The following DYNLT5 variants were observed in gnomAD, a reference collection of about 807,000 sequenced individuals.
DYNLT5 encodes dynein light chain Tctex-type 5.
A neutral mutation model predicts 19.3 loss-of-function variants in DYNLT5; 25 were observed. The observed-to-expected ratio is 1.30, with a 90% CI of 0.95 to 1.81. The LOEUF is 1.81. DYNLT5 is among the 40% of genes most tolerant of loss of function. The probability of loss-of-function intolerance (pLI) is 0.00; values close to 1 mark genes in which losing one functional copy is unlikely to be tolerated. For missense variants in DYNLT5, 232 were observed against 217.9 expected (o/e 1.06, Z -0.41); for synonymous variants, 82 against 68.9 (o/e 1.19, Z -0.94).
chr1:66,755,260 G>T (rs1022974902), intron 2 of DYNLT5, among the ~76,000 whole-genome samples: 1 of 151,854 alleles, frequency 6.6e-6, no homozygotes, highest in Non-Finnish European at 1.5e-5. Context: ...CTAATTATTG[G>T]ACACTTTAAG....
intron 2 of DYNLT5, among the ~76,000 whole-genome samples, chr1:66,755,403 T>C (rs2094634423): frequency 6.6e-6 from 1 of 152,170 alleles, no homozygotes; most frequent in South Asian, 2.1e-4. Context: ...CTCCTAAAGA[T>C]ATACATCAAT....
At chr1:66,760,083 T>C (rs561796654) in intron 2 of DYNLT5, among the ~76,000 whole-genome samples, 36 of 152,300 alleles carry the variant, frequency 2.4e-4, no homozygotes, top group African/African-American at 8.4e-4. Context: ...AGGCCTACCT[T>C]GACCACTTCA....
At chr1:66,753,178 T>A (rs2094630311) in intron 1 of DYNLT5, among the ~76,000 whole-genome samples, 2 of 152,286 alleles carry the variant, frequency 1.3e-5, no homozygotes, top group South Asian at 4.1e-4. Context: ...GCTGCCTGCC[T>A]CACCCACACA....
At chr1:66,774,415 T>G (rs1005249391) in intron 3 of DYNLT5, among the ~76,000 whole-genome samples, 4 of 152,172 alleles carry the variant, frequency 2.6e-5, no homozygotes, top group African/African-American at 9.7e-5. Context: ...ACTTTCTAGA[T>G]TCAATCTCCA....
chr1:66,770,058 C>A (rs539084535), intron 2 of DYNLT5, among the ~76,000 whole-genome samples: 2 of 152,030 alleles, frequency 1.3e-5, no homozygotes, highest in South Asian at 2.1e-4. Flanking sequence ...GGTGGAGATG[C>A]GATTGGCAAT....
At chr1:66,760,297 GT>G (rs1291648594) in intron 2 of DYNLT5, among the ~76,000 whole-genome samples, 1 of 151,658 alleles carries the variant, frequency 6.6e-6, no homozygotes, top group Non-Finnish European at 1.5e-5. Context: ...TTTTGTTTTT[GT>G]TTTTTTTCCA....
chr1:66,763,034 ATGAG>A (rs1371480951), intron 2 of DYNLT5, among the ~76,000 whole-genome samples: 1 of 152,308 alleles, frequency 6.6e-6, no homozygotes, highest in Non-Finnish European at 1.5e-5. Flanking sequence ...AAGTAAATAA[ATGAG>A]ATGAAGGTCG....
intron 1 of DYNLT5, 150 bp from the exon 2 acceptor site, chr1:66,754,506 A>G (rs2094632546): frequency 3.1e-6 from 2 of 639,832 alleles, no homozygotes; most frequent in Non-Finnish European, 4.6e-6. Context: ...AATAACAACA[A>G]ATTCTATATA....
At chr1:66,770,823 C>A (rs935996835) in intron 3 of DYNLT5, 24 of 322,002 alleles carry the variant, frequency 7.5e-5, no homozygotes, top group Non-Finnish European at 1.4e-4. Flanking sequence ...TCCAACAAAA[C>A]CAATCAGTGT....
At chr1:66,756,706 G>A (rs1047231626) in intron 2 of DYNLT5, among the ~76,000 whole-genome samples, 4 of 152,120 alleles carry the variant, frequency 2.6e-5, no homozygotes, top group Non-Finnish European at 4.4e-5. Context: ...TTGACTTAAT[G>A]ATTAGGATAC....
intron 3 of DYNLT5, among the ~76,000 whole-genome samples, chr1:66,772,284 A>G (rs1645208585): frequency 6.6e-6 from 1 of 152,226 alleles, no homozygotes; most frequent in South Asian, 2.1e-4. Context: ...TAGGCATGGC[A>G]GAAGGGAAGG....
Position 66,770,436 on chromosome 1 carries a change from A to G in DYNLT5, c.169A>G (p.Ile57Val). 2 of 1,613,618 alleles carry G rather than the reference A, an allele frequency of 1.2e-6. No homozygotes were observed. Among genetic ancestry groups the G allele is most frequent in the South Asian group, 1.1e-5 (1 of 91,076 alleles). ...GGAAGAACCCAGTCAGCGTGATGAT[A>G]TCTCTCGCCTTACAGTTCAGATGGA... is the stretch of plus-strand genomic sequence containing the variant. ...YMEEPSQRDD[I>V]SRLTVQMENT... The change falls in exon 3 of 5, where the codon ATC (isoleucine) becomes GTC (valine). Residue 57 changes from isoleucine to valine, a missense_variant. Physicochemically the swap from Ile to Val is conservative, Grantham distance 29. Coordinates refer to ENST00000282670, the MANE Select transcript of DYNLT5 (RefSeq NM_152665.3).
chr1:66,773,559 A>G (rs1022458265), intron 3 of DYNLT5, among the ~76,000 whole-genome samples: 20 of 152,190 alleles, frequency 1.3e-4, no homozygotes, highest in Admixed American at 4.6e-4. Context: ...AACAGCAATA[A>G]CACTAATAAG....
chr1:66,777,352 C>G lies in DYNLT5; in HGVS notation c.438C>G (p.Ser146Arg), dbSNP rs750403277. ...QLNRQSILIG[S>R]RCLWDPKSDT... ...ACAGGCAGAGCATACTTATTGGAAG[C>G]AGATGCCTCTGGGATCCTAAAAGTG... Residue 146 changes from serine (S) to arginine (R), a missense_variant, in exon 5 of 5, where the codon AGC (serine) becomes AGG (arginine). Coordinates refer to ENST00000282670, the MANE Select transcript of DYNLT5 (RefSeq NM_152665.3). 1.2e-6 allele frequency: 2 copies of G among 1,613,912 alleles called. No homozygotes were observed. The highest frequency in any genetic ancestry group is 2.2e-5 in the South Asian group (2 of 91,070).
In DYNLT5 at chr1:66,777,240, TA is replaced by T. The variant is rs746500311; in HGVS notation, c.337-8del. On this transcript the variant is annotated splice_polypyrimidine_tract_variant and intron_variant, in intron 4 of 4. Coordinates refer to ENST00000282670, the MANE Select transcript of DYNLT5 (RefSeq NM_152665.3). ...GCTGAATGAAGACCCTCCCTTTTTT[TA>T]AATTTCTAGGTTATTAAAGCCCAGG... 1.2e-6 allele frequency: 2 copies of T among 1,602,482 alleles called. No individual in the cohort carries two copies. The highest frequency in any genetic ancestry group is 1.7e-5 in the Admixed American group (1 of 59,138).
chr1:66,778,253 T>C lies in DYNLT5; in HGVS notation c.*799T>C, dbSNP rs971328941. 1.3e-5 allele frequency: 2 copies of C among 152,656 alleles called. No homozygotes were observed. Among genetic ancestry groups the C allele is most frequent in the Non-Finnish European group, 2.9e-5 (2 of 68,042 alleles). 9.5% of individuals were successfully genotyped at this position (152,656 alleles called of 1,614,324 possible). A position where few individuals can be genotyped will look rare whatever the true frequency, so the allele number is the denominator to read the frequency against. ...ATTGGAAAGAGACATTGCTTTTAAA[T>C]ATCCTAGGCTAACAAACTTTTTCAC... On this transcript the variant is annotated 3_prime_UTR_variant, in exon 5 of 5. Coordinates refer to ENST00000282670, the MANE Select transcript of DYNLT5 (RefSeq NM_152665.3).
chr1:66,777,142 T>C, intron 4 of DYNLT5, 109 bp from the exon 5 acceptor site: 1 of 902,628 alleles, frequency 1.1e-6, no homozygotes, highest in Non-Finnish European at 1.7e-6. Flanking sequence ...TGAAAGTATC[T>C]ACAATGCATC....
intron 2 of DYNLT5, among the ~76,000 whole-genome samples, chr1:66,766,773 T>C (rs1215999354): frequency 6.6e-6 from 1 of 152,210 alleles, no homozygotes; most frequent in Non-Finnish European, 1.5e-5. Flanking sequence ...ATACAGGTTT[T>C]AAAAAGTAAA....
intron 2 of DYNLT5, among the ~76,000 whole-genome samples, chr1:66,755,186 A>G (rs766801520): frequency 1.3e-5 from 2 of 152,126 alleles, no homozygotes; most frequent in Admixed American, 1.3e-4. Context: ...AGTTTTTTCC[A>G]TATCCTCTTA....
Sources: allele counts gnomAD v4.1 joint callset (sites outside exome capture counted in the v4.1 genomes callset), GRCh38; gene constraint gnomAD v4.1.1; transcripts MANE v1.5; gene names NCBI Gene and HGNC (gene_info 2026-07-23, HGNC 2026-07-21).